The following SERPINB11 variants were observed in gnomAD, a reference collection of about 807,000 sequenced individuals.
SERPINB11 encodes serpin B11.
Under a neutral mutation model 36.7 loss-of-function variants are expected in SERPINB11, and 32 were observed. That is an observed-to-expected ratio of 0.87 (90% confidence interval 0.66 to 1.17). The LOEUF is 1.17. Among genes scored for constraint, SERPINB11 ranks in the 50% most tolerant of loss-of-function variants. SERPINB11 has a pLI of 0.00. For synonymous variants in SERPINB11, 174 were observed against 168.1 expected (o/e 1.04, Z -0.27); for missense variants, 528 against 458.4 (o/e 1.15, Z -1.39).
At chr18:63,714,045 C>T (rs1914599034) in intron 4 of SERPINB11, among the ~76,000 whole-genome samples, 1 of 152,098 alleles carries the variant, frequency 6.6e-6, no homozygotes, top group Non-Finnish European at 1.5e-5. Context: ...ATTGGGGGAA[C>T]CCGCCCTGAT....
At chr18:63,706,976 TG>T (rs541684598) in intron 1 of SERPINB11, among the ~76,000 whole-genome samples, 147 of 152,338 alleles carry the variant, frequency 9.6e-4, no homozygotes, top group African/African-American at 3.4e-3. Context: ...TTTCCTCTTG[TG>T]GATCTCTTCT....
chr18:63,708,799 G>T lies in SERPINB11; in HGVS notation c.-15-1380G>T, dbSNP rs563936443. ...ATGAGGTTGGATGAGATCACCCAGG[G>T]TATGACTGTTCATAGAGAAGAGGCT... is the stretch of plus-strand genomic sequence containing the variant. On this transcript the variant is annotated intron_variant, in intron 1 of 7. Transcript: ENST00000544088. Among the ~76,000 whole-genome samples, 23 of 152,274 alleles carry T rather than the reference G, an allele frequency of 1.5e-4. 1 individual carries two copies. Among genetic ancestry groups the T allele is most frequent in the African/African-American group, 5.5e-4 (23 of 41,558 alleles).
intron 4 of SERPINB11, among the ~76,000 whole-genome samples, chr18:63,713,316 C>G (rs944715969): frequency 6.6e-6 from 1 of 152,170 alleles, no homozygotes; most frequent in African/African-American, 2.4e-5. Flanking sequence ...TATAAAATTT[C>G]CATTAATTCT....
chr18:63,716,122 A>G lies in SERPINB11; in HGVS notation c.445A>G (p.Ile149Val). Residue 149 changes from isoleucine (I) to valine (V), a missense_variant, in exon 5 of 8, where the codon ATT becomes GTT. Ile to Val is a conservative substitution (Grantham distance 29). Transcript: ENST00000544088. ...EQSTEETRKT[I>V]NAWVENKTNG... Reference sequence around the variant, plus strand: ...GTCTACAGAAGAAACGAGGAAAACGATTAATGCTTGGGTTGAAAATAAAAC... The same window carrying G: ...GTCTACAGAAGAAACGAGGAAAACGGTTAATGCTTGGGTTGAAAATAAAAC... 1 of 1,608,286 alleles carries G rather than the reference A, an allele frequency of 6.2e-7. No homozygotes were observed.
At chr18:63,704,884 A>G (rs1417362467) in intron 1 of SERPINB11, among the ~76,000 whole-genome samples, 2 of 152,164 alleles carry the variant, frequency 1.3e-5, no homozygotes, top group Non-Finnish European at 1.5e-5. Flanking sequence ...TCATCATGGC[A>G]CTGTTTGTGG....
intron 1 of SERPINB11, among the ~76,000 whole-genome samples, chr18:63,707,439 C>T (rs1482607208): frequency 6.6e-6 from 1 of 152,198 alleles, no homozygotes; most frequent in African/African-American, 2.4e-5. Context: ...CAGTCCTGCC[C>T]ATCTTCAATC....
At position 63,716,023 on chromosome 18, in the gene SERPINB11, T is replaced by G. The variant is rs1264952004; in HGVS notation, c.358-12T>G. ...CTTTTGAATTGTTGTTCAATTATCA[T>G]GTCTTTCATAGCAATATTTAAGCTG... On this transcript the variant is annotated splice_polypyrimidine_tract_variant and intron_variant, in intron 4 of 7. Coordinates refer to ENST00000544088, the MANE Select transcript of SERPINB11 (RefSeq NM_001370475.1). 6.5e-7 allele frequency: 1 copy of G among 1,545,992 alleles called. No individual in the cohort carries two copies. The highest frequency in any genetic ancestry group is 8.9e-7 in the Non-Finnish European group (1 of 1,123,204).
chr18:63,714,807 A>G (rs1206723052), intron 4 of SERPINB11, among the ~76,000 whole-genome samples: 1 of 152,152 alleles, frequency 6.6e-6, no homozygotes, highest in Non-Finnish European at 1.5e-5. Context: ...TAACGCAATC[A>G]TCACAGGGTC....
intron 6 of SERPINB11, 46 bp downstream of exon 6, chr18:63,720,201 A>G (rs1459880376): frequency 2.0e-6 from 3 of 1,506,754 alleles, no homozygotes; most frequent in Non-Finnish European, 2.7e-6. Context: ...GGAGGATACA[A>G]TAATCATTTA....
In SERPINB11 at chr18:63,720,090, A is replaced by G. The variant is rs1261860725; in HGVS notation, c.553A>G (p.Lys185Glu). 1 of 1,610,528 alleles carries G rather than the reference A, an allele frequency of 6.2e-7. No individual in the cohort carries two copies. The highest frequency in any genetic ancestry group is 1.3e-5 in the African/African-American group (1 of 74,848). Residue 185 changes from lysine to glutamate, a missense_variant, in exon 6 of 8, where the codon AAA becomes GAA. By Grantham distance (56) the Lys-to-Glu change is moderately conservative (BLOSUM62 1). Transcript: ENST00000544088. ...VMVLVNAIYF[K>E]GQWQNKFQVR... ...GGTCCTGGTGAATGCCATATATTTCAAAGGACAATGGCAAAATAAATTTCA... is the reference window on the plus strand; with the variant it reads ...GGTCCTGGTGAATGCCATATATTTCGAAGGACAATGGCAAAATAAATTTCA...
chr18:63,721,047 C>T, intron 7 of SERPINB11, 61 bp downstream of exon 7: 3 of 1,338,084 alleles, frequency 2.2e-6, no homozygotes, highest in Admixed American at 2.0e-5. Context: ...CACACACACA[C>T]ACAGACACAC....
chr18:63,713,308 TA>T (rs1363380070), intron 4 of SERPINB11, among the ~76,000 whole-genome samples: 22 of 152,328 alleles, frequency 1.4e-4, no homozygotes, highest in Non-Finnish European at 1.5e-5. Flanking sequence ...GATATTGGTA[TA>T]AAATTTCCAT....
At chr18:63,715,238 C>A (rs1914637877) in intron 4 of SERPINB11, among the ~76,000 whole-genome samples, 1 of 152,078 alleles carries the variant, frequency 6.6e-6, no homozygotes, top group Admixed American at 6.6e-5. Flanking sequence ...GGAATTGCAT[C>A]ATGGTAAACT....
intron 1 of SERPINB11, among the ~76,000 whole-genome samples, chr18:63,706,515 C>A (rs1350481333): frequency 2.0e-5 from 3 of 152,058 alleles, no homozygotes; most frequent in African/African-American, 7.2e-5. Flanking sequence ...TAAAAGAGGG[C>A]AAAGCTGTAA....
chr18:63,709,073 A>C (rs994365358), intron 1 of SERPINB11, among the ~76,000 whole-genome samples: 7 of 152,234 alleles, frequency 4.6e-5, no homozygotes, highest in Non-Finnish European at 5.9e-5. Flanking sequence ...TGCTCAAACA[A>C]TGTTTGTGGA....
At chr18:63,721,686 G>A (rs1914818053) in intron 7 of SERPINB11, among the ~76,000 whole-genome samples, 1 of 152,138 alleles carries the variant, frequency 6.6e-6, no homozygotes, top group Non-Finnish European at 1.5e-5. Flanking sequence ...TGGGTGGTAG[G>A]GAAGGAACAC....
Position 63,723,495 on chromosome 18 carries a change from C to G in SERPINB11, c.*96C>G, listed in dbSNP as rs1217245121. On this transcript the variant is annotated 3_prime_UTR_variant, in exon 8 of 8. Coordinates refer to ENST00000544088, the MANE Select transcript of SERPINB11 (RefSeq NM_001370475.1). ...CAAAAAGCTGTTCACACCTCACACACCTCTGTGCCTCAGTTTGCTCATCTG... is the reference window on the plus strand; with the variant it reads ...CAAAAAGCTGTTCACACCTCACACAGCTCTGTGCCTCAGTTTGCTCATCTG... The G allele has an allele frequency of 2.8e-5, 32 of 1,147,366 alleles. No homozygotes were observed. Among genetic ancestry groups the G allele is most frequent in the Non-Finnish European group, 4.0e-5 (32 of 808,830 alleles). The allele number at this position is 1,147,366 out of a possible 1,614,324, so 71.1% of individuals were successfully genotyped here. A position where few individuals can be genotyped will look rare whatever the true frequency, so the allele number is the denominator to read the frequency against.
intron 7 of SERPINB11, among the ~76,000 whole-genome samples, chr18:63,722,706 C>T (rs369631227): frequency 2.0e-5 from 3 of 151,954 alleles, no homozygotes; most frequent in African/African-American, 4.8e-5. Context: ...ACTTCACAGG[C>T]GAGAGTGGGA....
Position 63,723,270 on chromosome 18 carries a change from T to C in SERPINB11, c.1050T>C (p.Thr350=), listed in dbSNP as rs1697530049. The change falls in exon 8 of 8, where the codon ACT becomes ACC. Residue 350 remains threonine, a synonymous_variant. Coordinates refer to ENST00000544088, the MANE Select transcript of SERPINB11 (RefSeq NM_001370475.1). ...SEEGTEAAAA[T]GDSIAVKSLP... ...AGGGCACGGAGGCAGCAGCAGCCAC[T>C]GGGGACAGCATCGCTGTAAAAAGCC... The C allele has an allele frequency of 6.2e-7, 1 of 1,613,840 alleles. No homozygotes were observed. Among genetic ancestry groups the C allele is most frequent in the African/African-American group, 1.3e-5 (1 of 74,902 alleles).
Sources: allele counts gnomAD v4.1 joint callset (sites outside exome capture counted in the v4.1 genomes callset), GRCh38; gene constraint gnomAD v4.1.1; transcripts MANE v1.5; gene names NCBI Gene and HGNC (gene_info 2026-07-23, HGNC 2026-07-21).